Variants in MBD2 observed in about 807,000 individuals in gnomAD.
The protein encoded by MBD2 is methyl-CpG binding domain protein 2.
Under a neutral mutation model 39.3 loss-of-function variants are expected in MBD2, and 9 were observed. The ratio of observed to expected loss-of-function variants is 0.23; its 90% CI spans 0.14 to 0.40. MBD2 has a LOEUF of 0.40. Among genes scored for constraint, MBD2 ranks in the 10% least tolerant of loss-of-function variants. The pLI, the probability that MBD2 is intolerant of heterozygous loss-of-function variation, is 1.00. For synonymous variants in MBD2, 233 were observed against 211.1 expected (o/e 1.10, Z -0.90); for missense variants, 458 against 532.6 (o/e 0.86, Z 1.38).
intron 2 of MBD2, among the ~76,000 whole-genome samples, chr18:54,194,257 A>G (rs1056629068): frequency 1.3e-5 from 2 of 152,116 alleles, no homozygotes; most frequent in Non-Finnish European, 2.9e-5. Context: ...ATCTAACAGA[A>G]TCTAAATGCA....
At chr18:54,180,944 T>C (rs927630685) in intron 3 of MBD2, among the ~76,000 whole-genome samples, 5 of 146,048 alleles carry the variant, frequency 3.4e-5, no homozygotes, top group African/African-American at 1.0e-4. Context: ...GGTCTCATTC[T>C]GGAGTGCAGT....
chr18:54,168,933 G>A (rs1256233146), intron 3 of MBD2, among the ~76,000 whole-genome samples: 3 of 151,840 alleles, frequency 2.0e-5, no homozygotes, highest in Admixed American at 6.6e-5. Context: ...TATTTGTTTG[G>A]GCGGGGGACG....
Position 54,224,577 on chromosome 18 carries a change from C to G in MBD2, c.-18G>C, listed in dbSNP as rs2086647258. On this transcript the variant is annotated 5_prime_UTR_variant, in exon 1 of 7. Transcript: ENST00000256429. ...GCGCGCATCCAGCCCCCTCCCCAGC[C>G]GGCGCTGCGCTTCTTCCGTAACCGA... The G allele has an allele frequency of 3.3e-6, 4 of 1,223,246 alleles. 1 individual carries two copies. The highest frequency in any genetic ancestry group is 8.2e-5 in the South Asian group (2 of 24,290). 75.8% of individuals were successfully genotyped at this position (1,223,246 alleles called of 1,614,324 possible).
intron 2 of MBD2, among the ~76,000 whole-genome samples, chr18:54,194,819 A>G (rs996032749): frequency 6.6e-6 from 1 of 152,088 alleles, no homozygotes; most frequent in Non-Finnish European, 1.5e-5. Context: ...AAAAAATTTA[A>G]CAATCAGTCA....
intron 1 of MBD2, among the ~76,000 whole-genome samples, chr18:54,218,688 C>T (rs373297616): frequency 1.1e-4 from 16 of 152,268 alleles, no homozygotes; most frequent in African/African-American, 3.6e-4. Flanking sequence ...ATAGGCTGGG[C>T]GCGGTGGCTC....
At chr18:54,195,337 T>G in intron 2 of MBD2, among the ~76,000 whole-genome samples, 1 of 152,036 alleles carries the variant, frequency 6.6e-6, no homozygotes, top group East Asian at 1.9e-4. Context: ...CACACAAATT[T>G]TGCACGTTAC....
At chr18:54,210,823 T>C (rs904789680) in intron 1 of MBD2, among the ~76,000 whole-genome samples, 4 of 151,500 alleles carry the variant, frequency 2.6e-5, no homozygotes, top group African/African-American at 9.7e-5. Flanking sequence ...CTGTAAGCTA[T>C]AGCACTGGAA....
At chr18:54,204,234 C>T (rs1158222601) in intron 2 of MBD2, among the ~76,000 whole-genome samples, 1 of 152,146 alleles carries the variant, frequency 6.6e-6, no homozygotes, top group Non-Finnish European at 1.5e-5. Flanking sequence ...ACACACAGAT[C>T]CTTGAAGTTT....
At position 54,198,246 on chromosome 18, in the gene MBD2, C is replaced by T. The variant is rs375590349; in HGVS notation, c.702+6752G>A. On this transcript the variant is annotated intron_variant, in intron 2 of 6. Transcript: ENST00000256429. ...AAGTCAACCCAGTAAGGCATTACTT[C>T]ATTAACTGAAAAATCCATAGTCAAA... Among the ~76,000 whole-genome samples, 80 of 152,310 alleles carry T rather than the reference C, an allele frequency of 5.3e-4. 1 individual carries two copies. The South Asian group carries it at 0.013, about 26-fold the overall frequency.
intron 1 of MBD2, among the ~76,000 whole-genome samples, chr18:54,211,726 C>T (rs2086509385): frequency 6.6e-6 from 1 of 152,228 alleles, no homozygotes; most frequent in South Asian, 2.1e-4. Context: ...GCATTCTACA[C>T]TATCCACATA....
intron 6 of MBD2, among the ~76,000 whole-genome samples, chr18:54,158,056 T>G (rs1439660070): frequency 1.3e-5 from 2 of 152,210 alleles, no homozygotes; most frequent in Admixed American, 1.3e-4. Flanking sequence ...CATAGGGCTC[T>G]TGTAAAGAAG....
chr18:54,217,410 C>T (rs1321462876), intron 1 of MBD2, among the ~76,000 whole-genome samples: 1 of 152,042 alleles, frequency 6.6e-6, no homozygotes, highest in Non-Finnish European at 1.5e-5. Context: ...AAGTAAAACA[C>T]CATATTACAA....
intron 3 of MBD2, among the ~76,000 whole-genome samples, chr18:54,184,161 A>G (rs1009280677): frequency 2.6e-5 from 4 of 152,064 alleles, no homozygotes; most frequent in Admixed American, 2.0e-4. Context: ...ATAATACTCA[A>G]AGCTATAGAA....
chr18:54,180,375 G>A (rs1260403955), intron 3 of MBD2, among the ~76,000 whole-genome samples: 1 of 152,076 alleles, frequency 6.6e-6, no homozygotes. Context: ...GAGTTATTAA[G>A]ATTAAAAACA....
intron 3 of MBD2, among the ~76,000 whole-genome samples, chr18:54,169,789 G>A (rs905289660): frequency 6.6e-6 from 1 of 152,086 alleles, no homozygotes; most frequent in African/African-American, 2.4e-5. Flanking sequence ...AAATAGAATA[G>A]GTATAAGGAA....
Position 54,215,426 on chromosome 18 carries a change from T to C in MBD2, c.542+8592A>G, listed in dbSNP as rs80138112. 6.2e-3 allele frequency among the ~76,000 whole-genome samples: 937 copies of C among 152,092 alleles called. 6 individuals carry two copies. The highest frequency in any genetic ancestry group is 9.8e-3 in the Non-Finnish European group (664 of 67,998). ...CATTTACAGCAAAACAAAAAATAAA[T>C]TAGTTAAAACTAGATAGAAACATAG... On this transcript the variant is annotated intron_variant, in intron 1 of 6. Transcript: ENST00000256429.
intron 3 of MBD2, among the ~76,000 whole-genome samples, chr18:54,185,524 C>T (rs1428578275): frequency 6.6e-6 from 1 of 152,028 alleles, no homozygotes; most frequent in Non-Finnish European, 1.5e-5. Flanking sequence ...TCAAAGATGA[C>T]AGCAGCAAAG....
At chr18:54,181,935 C>T (rs755093251) in intron 3 of MBD2, among the ~76,000 whole-genome samples, 1 of 152,126 alleles carries the variant, frequency 6.6e-6, no homozygotes, top group East Asian at 1.9e-4. Flanking sequence ...TAGAATGTTC[C>T]CTCCATATTT....
chr18:54,189,285 G>T (rs558842916), intron 2 of MBD2, among the ~76,000 whole-genome samples: 1 of 148,312 alleles, frequency 6.7e-6, no homozygotes, highest in African/African-American at 2.5e-5. Context: ...GTGCAGTGGC[G>T]CGATCTAGGC....
Sources: allele counts gnomAD v4.1 joint callset (sites outside exome capture counted in the v4.1 genomes callset), GRCh38; gene constraint gnomAD v4.1.1; transcripts MANE v1.5; gene names NCBI Gene and HGNC (gene_info 2026-07-23, HGNC 2026-07-21).